Variants in BBS9 observed in about 807,000 individuals in gnomAD.
BBS9 encodes protein PTHB1.
A neutral mutation model predicts 117.7 loss-of-function variants in BBS9; 89 were observed. That is an observed-to-expected ratio of 0.76 (90% confidence interval 0.64 to 0.90). The LOEUF (loss-of-function observed/expected upper bound fraction) is 0.90, where lower values mean the gene tolerates loss of function less well. BBS9 is among the 40% of genes least tolerant of loss of function. The pLI is 0.00. For missense variants in BBS9, 982 were observed against 1,042.2 expected, an observed-to-expected ratio of 0.94 and a Z score of 0.80; for synonymous variants, 379 against 370.9, an observed-to-expected ratio of 1.02 and a Z score of -0.25.
chr7:33,389,929 T>C (rs1343170694), intron 19 of BBS9, among the ~76,000 whole-genome samples: 3 of 152,136 alleles, frequency 2.0e-5, no homozygotes, highest in African/African-American at 7.2e-5. Context: ...TATTCCATAA[T>C]GTATGGAATT....
intron 9 of BBS9, among the ~76,000 whole-genome samples, chr7:33,311,020 C>CT (rs1809109887): frequency 6.6e-6 from 1 of 152,134 alleles, no homozygotes; most frequent in African/African-American, 2.4e-5. Context: ...GTAGCTGGCA[C>CT]TTTGGGAGCA....
chr7:33,271,750 A>G (rs1375406589), intron 7 of BBS9, among the ~76,000 whole-genome samples: 2 of 152,194 alleles, frequency 1.3e-5, no homozygotes, highest in African/African-American at 4.8e-5. Flanking sequence ...ACTGCCACAC[A>G]ATAATAGTGG....
intron 5 of BBS9, among the ~76,000 whole-genome samples, chr7:33,226,395 T>C (rs1791280227): frequency 6.6e-6 from 1 of 152,184 alleles, no homozygotes; most frequent in Non-Finnish European, 1.5e-5. Context: ...TTGATAAGTG[T>C]TAGATAAGTG....
intron 1 of BBS9, 94 bp downstream of exon 1, chr7:33,130,135 T>G (rs1475255539): frequency 6.6e-6 from 1 of 152,176 alleles, no homozygotes; most frequent in Non-Finnish European, 1.5e-5. Context: ...AGTATAATGG[T>G]TTGGAGTCTG....
chr7:33,326,229 C>G lies in BBS9; in HGVS notation c.1017-10212C>G, dbSNP rs771283878. On this transcript the variant is annotated intron_variant, in intron 9 of 22. Transcript: ENST00000242067. ...CAATGTCCTTCCTACTCTTTTCCCT[C>G]CCCTCCCCTCCCCCTCCCCTCTTCT... 3.5e-4 allele frequency among the ~76,000 whole-genome samples: 52 copies of G among 150,348 alleles called. 1 individual carries two copies. The highest frequency in any genetic ancestry group is 6.5e-4 in the Non-Finnish European group (44 of 67,536).
chr7:33,374,816 G>C (rs958431375), intron 17 of BBS9, among the ~76,000 whole-genome samples: 2 of 147,482 alleles, frequency 1.4e-5, no homozygotes, highest in African/African-American at 5.0e-5. Flanking sequence ...CAGGAGAATC[G>C]CTTGAACCTG....
chr7:33,504,458 T>A (rs563429214), intron 19 of BBS9, among the ~76,000 whole-genome samples: 49 of 152,278 alleles, frequency 3.2e-4, no homozygotes, highest in African/African-American at 1.1e-3. Context: ...AAAAAGCCCT[T>A]TGGGCCCGTG....
chr7:33,305,970 T>C (rs542513022), intron 9 of BBS9, among the ~76,000 whole-genome samples: 6 of 152,266 alleles, frequency 3.9e-5, no homozygotes, highest in Admixed American at 3.9e-4. Flanking sequence ...CTCTTGCTTT[T>C]GTAGTTCTTT....
Position 33,303,525 on chromosome 7 carries a change from C to CCG in BBS9, c.1016+29570_1016+29571insGC, listed in dbSNP as rs1439664694. Among the ~76,000 whole-genome samples the CCG allele has an allele frequency of 3.3e-4, 34 of 103,294 alleles. 2 individuals are homozygous for CCG. The South Asian group carries it at 7.9e-3, about 24-fold the overall frequency. The allele number at this position is 103,294 out of a possible 152,430, so 67.8% of individuals were successfully genotyped here. ...AGTATCAACTGAAATGATCCCCTCC[C>CCG]CCCGCCCCTTCTTTCTTTGGTCTCC... On this transcript the variant is annotated intron_variant, in intron 9 of 22. Coordinates refer to ENST00000242067, the MANE Select transcript of BBS9 (RefSeq NM_198428.3).
At chr7:33,413,259 G>A (rs1831446310) in intron 19 of BBS9, among the ~76,000 whole-genome samples, 1 of 152,110 alleles carries the variant, frequency 6.6e-6, no homozygotes, top group African/African-American at 2.4e-5. Flanking sequence ...GTTTTATTTA[G>A]GTGGAGAAAC....
intron 19 of BBS9, among the ~76,000 whole-genome samples, chr7:33,395,084 C>T (rs1048366826): frequency 2.0e-5 from 3 of 152,056 alleles, no homozygotes; most frequent in Non-Finnish European, 4.4e-5. Flanking sequence ...GAAATGTGTG[C>T]GAACTGTTTG....
chr7:33,417,647 A>G (rs1209865466), intron 19 of BBS9, among the ~76,000 whole-genome samples: 2 of 152,210 alleles, frequency 1.3e-5, no homozygotes. Context: ...TGTTAAGATC[A>G]TGGGAATTAA....
chr7:33,451,272 A>T (rs190446315), intron 19 of BBS9, among the ~76,000 whole-genome samples: 11 of 152,294 alleles, frequency 7.2e-5, no homozygotes, highest in Non-Finnish European at 1.0e-4. Flanking sequence ...AGTCCTTGCC[A>T]AATGCAGTGT....
intron 5 of BBS9, among the ~76,000 whole-genome samples, chr7:33,213,174 T>C (rs568281667): frequency 1.3e-3 from 199 of 152,344 alleles, no homozygotes; most frequent in African/African-American, 4.5e-3. Flanking sequence ...CTACTGCGGC[T>C]AAGCTGGCAC....
chr7:33,467,061 A>G (rs1436974507), intron 19 of BBS9, among the ~76,000 whole-genome samples: 1 of 151,984 alleles, frequency 6.6e-6, no homozygotes, highest in Non-Finnish European at 1.5e-5. Context: ...TACTATGACA[A>G]CTGAATAACA....
Position 33,605,357 on chromosome 7 carries a change from C to T in BBS9, c.*131C>T. 1 of 965,362 alleles carries T rather than the reference C, an allele frequency of 1.0e-6. No individual in the cohort carries two copies. The highest frequency in any genetic ancestry group is 1.3e-5 in the South Asian group (1 of 76,264). The allele number at this position is 965,362 out of a possible 1,614,324, so 59.8% of individuals were successfully genotyped here. A position where few individuals can be genotyped will look rare whatever the true frequency, so the allele number is the denominator to read the frequency against. The stretch of plus-strand genomic sequence containing the variant: ...AGCTCACCTTCCTGGAGATGACATG[C>T]ATAGAAAGAGGGGTTGGGACTTTTT... On this transcript the variant is annotated 3_prime_UTR_variant, in exon 23 of 23. Coordinates refer to ENST00000242067, the MANE Select transcript of BBS9 (RefSeq NM_198428.3).
chr7:33,493,286 G>A (rs191807625), intron 19 of BBS9, among the ~76,000 whole-genome samples: 3 of 152,144 alleles, frequency 2.0e-5, no homozygotes, highest in East Asian at 1.9e-4. Context: ...GAACCACCGC[G>A]CCTGGCCTAT....
chr7:33,264,460 A>G (rs1436772407), intron 7 of BBS9, 86 bp downstream of exon 7: 3 of 810,582 alleles, frequency 3.7e-6, no homozygotes, highest in Admixed American at 4.5e-5. Context: ...TGGGAAGAAA[A>G]TGTAAAAAAA....
chr7:33,622,225 A>C (rs1017251735), intron 21 of BBS9, among the ~76,000 whole-genome samples: 3 of 152,088 alleles, frequency 2.0e-5, no homozygotes, highest in Non-Finnish European at 4.4e-5. Flanking sequence ...AAACAAAAAA[A>C]ATAAATAAAA....
Sources: gnomAD v4.1 joint callset for allele counts (sites outside exome capture counted in the v4.1 genomes callset) on GRCh38, gnomAD v4.1.1 for gene constraint, MANE v1.5 for transcripts, NCBI Gene and HGNC (gene_info 2026-07-23, HGNC 2026-07-21) for gene names.